The following GRID1 variants were observed in gnomAD, a reference collection of about 807,000 sequenced individuals.
GRID1 encodes the protein glutamate ionotropic receptor delta type subunit 1.
A neutral mutation model predicts 98.0 loss-of-function variants in GRID1; 28 were observed. The observed-to-expected ratio is 0.29, with a 90% CI of 0.21 to 0.39. The LOEUF (loss-of-function observed/expected upper bound fraction) is 0.39. Among genes scored for constraint, GRID1 ranks in the 10% least tolerant of loss-of-function variants. The probability of loss-of-function intolerance (pLI) is 1.00; values close to 1 mark genes in which losing one functional copy is unlikely to be tolerated. For synonymous variants in GRID1, 553 were observed against 538.5 expected (o/e 1.03, Z -0.37); for missense variants, 1,111 against 1,340.5 (o/e 0.83, Z 2.67).
chr10:85,759,544 C>A lies in GRID1; in HGVS notation c.1234-29930G>T, dbSNP rs148278100. Among the ~76,000 whole-genome samples the A allele has an allele frequency of 2.6e-3, 400 of 152,338 alleles. 2 individuals carry two copies. The highest frequency in any genetic ancestry group is 9.1e-3 in the African/African-American group (379 of 41,582). On this transcript the variant is annotated intron_variant, in intron 8 of 15. Transcript: ENST00000327946. ...TTGACTGATCAGTGCATGGAAACAA[C>A]TCTCACTAATCAGAGAGAACTGTCC...
chr10:86,090,860 A>G (rs1378193430), intron 4 of GRID1, among the ~76,000 whole-genome samples: 1 of 152,202 alleles, frequency 6.6e-6, no homozygotes, highest in Non-Finnish European at 1.5e-5. Context: ...CCTCTCCTGA[A>G]CACACCCCCA....
chr10:86,115,121 G>A (rs895136069), intron 4 of GRID1, among the ~76,000 whole-genome samples: 6 of 152,176 alleles, frequency 3.9e-5, no homozygotes, highest in South Asian at 2.1e-4. Flanking sequence ...TTGGGGAGAT[G>A]GCGGCTTGTG....
At chr10:85,798,755 C>A (rs975641149) in intron 8 of GRID1, among the ~76,000 whole-genome samples, 5 of 151,822 alleles carry the variant, frequency 3.3e-5, no homozygotes, top group African/African-American at 1.2e-4. Context: ...GCATATTAAC[C>A]CCTTGTCAGA....
At chr10:85,824,274 C>T (rs978854630) in intron 8 of GRID1, among the ~76,000 whole-genome samples, 1 of 152,102 alleles carries the variant, frequency 6.6e-6, no homozygotes, top group Non-Finnish European at 1.5e-5. Context: ...TGCAGTGGTG[C>T]GATCTTGGCT....
intron 4 of GRID1, among the ~76,000 whole-genome samples, chr10:86,073,059 C>T (rs1843826503): frequency 6.6e-6 from 1 of 152,244 alleles, no homozygotes; most frequent in African/African-American, 2.4e-5. Context: ...AACCTCCACT[C>T]ATGTTTCCAG....
At position 86,034,949 on chromosome 10, in the gene GRID1, G is replaced by GATGGATGGATGC. The variant is rs879670441; in HGVS notation, c.726+103869_726+103870insGCATCCATCCAT. 3.8e-3 allele frequency among the ~76,000 whole-genome samples: 572 copies of GATGGATGGATGC among 151,596 alleles called. 4 individuals carry two copies. Among genetic ancestry groups the GATGGATGGATGC allele is most frequent in the Middle Eastern group, 0.017 (5 of 294 alleles). ...GGATGGATGGATGGATGGATGGATGGATGGATAGATGGTTGGATGGATGGA... is the reference window on the plus strand; with the variant it reads ...GGATGGATGGATGGATGGATGGATGGATGGATGGATGCATGGATAGATGGTTGGATGGATGGA... On this transcript the variant is annotated intron_variant, in intron 4 of 15. Coordinates refer to ENST00000327946, the MANE Select transcript of GRID1 (RefSeq NM_017551.3).
intron 11 of GRID1, 27 bp downstream of exon 11, chr10:85,724,325 T>A: frequency 6.3e-7 from 1 of 1,580,136 alleles, no homozygotes; most frequent in Non-Finnish European, 8.7e-7. Context: ...CTAGAGCTAT[T>A]CAATGATCAG....
intron 4 of GRID1, among the ~76,000 whole-genome samples, chr10:86,064,936 T>C (rs997976233): frequency 1.3e-4 from 20 of 152,356 alleles, no homozygotes; most frequent in African/African-American, 4.3e-4. Context: ...AAAAATAACA[T>C]TTTATATTAA....
intron 4 of GRID1, among the ~76,000 whole-genome samples, chr10:85,958,452 T>C (rs1842222390): frequency 6.6e-6 from 1 of 152,108 alleles, no homozygotes; most frequent in South Asian, 2.1e-4. Flanking sequence ...TGAATATTAA[T>C]CTGAGTGTGT....
At chr10:86,177,918 G>A (rs186076613) in intron 3 of GRID1, among the ~76,000 whole-genome samples, 149 of 152,260 alleles carry the variant, frequency 9.8e-4, no homozygotes, top group African/African-American at 3.2e-3. Flanking sequence ...TAAAAGAGAC[G>A]GAGAGACAGT....
intron 12 of GRID1, among the ~76,000 whole-genome samples, chr10:85,722,615 T>G (rs540554167): frequency 6.6e-6 from 1 of 152,270 alleles, no homozygotes; most frequent in Non-Finnish European, 1.5e-5. Context: ...AAAAATTATT[T>G]TAAGGTGTTC....
intron 12 of GRID1, among the ~76,000 whole-genome samples, chr10:85,657,495 T>G (rs1015642136): frequency 1.3e-5 from 2 of 152,210 alleles, no homozygotes; most frequent in Admixed American, 1.3e-4. Context: ...ATAGGTTATA[T>G]GTATGAATCA....
intron 12 of GRID1, among the ~76,000 whole-genome samples, chr10:85,686,599 G>C (rs7912617): frequency 0.078 from 11,823 of 151,956 alleles, 663 homozygotes; most frequent in African/African-American, 0.16. Flanking sequence ...TTGTAAATTA[G>C]ATACAGTTCA....
chr10:85,885,633 C>G (rs889430800), intron 5 of GRID1, among the ~76,000 whole-genome samples: 7 of 152,172 alleles, frequency 4.6e-5, no homozygotes, highest in African/African-American at 7.2e-5. Flanking sequence ...TTCCTCACAT[C>G]CATTCAGGCC....
intron 8 of GRID1, among the ~76,000 whole-genome samples, chr10:85,838,057 T>C (rs1842926471): frequency 6.6e-6 from 1 of 152,014 alleles, no homozygotes. Flanking sequence ...GTGGAAAGAA[T>C]CTCAAAGTCT....
intron 4 of GRID1, among the ~76,000 whole-genome samples, chr10:85,940,222 C>G (rs1841982024): frequency 6.6e-6 from 1 of 152,096 alleles, no homozygotes. Context: ...ATGGGACATG[C>G]CTCTCCAGTT....
intron 6 of GRID1, among the ~76,000 whole-genome samples, chr10:85,864,911 C>T (rs1289212761): frequency 3.3e-5 from 5 of 152,182 alleles, no homozygotes; most frequent in African/African-American, 1.2e-4. Context: ...CAGTTTACAT[C>T]ATTTGCCTGT....
chr10:85,989,147 G>A (rs1189341303), intron 4 of GRID1, among the ~76,000 whole-genome samples: 2 of 152,196 alleles, frequency 1.3e-5, no homozygotes, highest in Non-Finnish European at 2.9e-5. Flanking sequence ...TCAGGGCAGG[G>A]GAACAGTGGC....
intron 3 of GRID1, among the ~76,000 whole-genome samples, chr10:86,182,228 A>C (rs987227896): frequency 1.3e-5 from 2 of 152,150 alleles, no homozygotes; most frequent in South Asian, 4.1e-4. Context: ...GGGGCTGCCC[A>C]GTGGCCCTGG....
Sources: gnomAD v4.1 joint callset for allele counts (sites outside exome capture counted in the v4.1 genomes callset) on GRCh38, gnomAD v4.1.1 for gene constraint, MANE v1.5 for transcripts, NCBI Gene and HGNC (gene_info 2026-07-23, HGNC 2026-07-21) for gene names.